The following AFF3 variants were observed in gnomAD, a reference collection of about 807,000 sequenced individuals.
AFF3 encodes AF4/FMR2 family member 3.
AFF3 carries 32 observed loss-of-function variants against 129.7 expected under a neutral mutation model. The ratio of observed to expected loss-of-function variants is 0.25; its 90% confidence interval spans 0.19 to 0.33. AFF3 has a LOEUF of 0.33. Ranked by LOEUF, AFF3 falls within the 10% of genes least tolerant of loss-of-function variation. The pLI, the probability that AFF3 is intolerant of heterozygous loss-of-function variation, is 1.00. For missense variants in AFF3, 1,373 were observed against 1,592.0 expected, an observed-to-expected ratio of 0.86 and a Z score of 2.34; for synonymous variants, 644 against 635.4, an observed-to-expected ratio of 1.01 and a Z score of -0.20.
intron 7 of AFF3, among the ~76,000 whole-genome samples, chr2:99,935,237 G>C (rs1437289575): frequency 1.3e-5 from 2 of 152,150 alleles, no homozygotes; most frequent in African/African-American, 2.4e-5. Context: ...CAGCTACTTG[G>C]TGGCCACCAC....
At chr2:99,558,750 T>C (rs1575346460) in intron 22 of AFF3, 125 bp downstream of exon 22, 1 of 819,902 alleles carries the variant, frequency 1.2e-6, no homozygotes, top group East Asian at 2.7e-5. Flanking sequence ...ATAAATGGGG[T>C]TACCTTGGGG....
At chr2:99,710,080 G>T (rs1677756692) in intron 11 of AFF3, among the ~76,000 whole-genome samples, 1 of 152,234 alleles carries the variant, frequency 6.6e-6, no homozygotes, top group Non-Finnish European at 1.5e-5. Context: ...TCTATACAAT[G>T]GGATATTCTA....
intron 4 of AFF3, among the ~76,000 whole-genome samples, chr2:100,077,928 G>A (rs1688713915): frequency 6.6e-6 from 1 of 152,138 alleles, no homozygotes; most frequent in Non-Finnish European, 1.5e-5. Flanking sequence ...ACCAGTTAAT[G>A]GGTGAATTTT....
intron 7 of AFF3, among the ~76,000 whole-genome samples, chr2:99,923,742 T>C (rs1012471703): frequency 6.6e-6 from 1 of 152,162 alleles, no homozygotes; most frequent in African/African-American, 2.4e-5. Context: ...CTTGGTTTCT[T>C]ACATTTAAAG....
chr2:99,564,377 C>T (rs557305185), intron 20 of AFF3, among the ~76,000 whole-genome samples: 1 of 152,216 alleles, frequency 6.6e-6, no homozygotes, highest in East Asian at 1.9e-4. Context: ...GTTAGAGTAA[C>T]TTTTACCAGT....
chr2:99,640,814 G>A (rs1455815609), intron 13 of AFF3, among the ~76,000 whole-genome samples: 1 of 152,246 alleles, frequency 6.6e-6, no homozygotes, highest in Non-Finnish European at 1.5e-5. Context: ...GAGACTGTAA[G>A]CTGGGCCTAT....
chr2:99,803,084 G>C, intron 8 of AFF3, among the ~76,000 whole-genome samples: 1 of 152,080 alleles, frequency 6.6e-6, no homozygotes, highest in East Asian at 1.9e-4. Flanking sequence ...GTATGTGTGG[G>C]TTTGTCATAT....
chr2:99,637,006 G>A (rs1360130029), intron 13 of AFF3, among the ~76,000 whole-genome samples: 1 of 152,110 alleles, frequency 6.6e-6, no homozygotes, highest in Non-Finnish European at 1.5e-5. Context: ...GCTGGCTCTG[G>A]GAGTCCCAGG....
chr2:99,747,737 C>A (rs1253025537), intron 9 of AFF3, among the ~76,000 whole-genome samples: 2 of 152,002 alleles, frequency 1.3e-5, no homozygotes, highest in Non-Finnish European at 2.9e-5. Flanking sequence ...TAAAAAAAAT[C>A]TCTGTGGAAG....
intron 13 of AFF3, among the ~76,000 whole-genome samples, chr2:99,625,079 T>C (rs1320386916): frequency 6.6e-6 from 1 of 152,224 alleles, no homozygotes; most frequent in Non-Finnish European, 1.5e-5. Context: ...GGAGATTCAT[T>C]TTCAAGGAAG....
At chr2:99,575,513 G>A (rs565783558) in intron 18 of AFF3, among the ~76,000 whole-genome samples, 1 of 149,114 alleles carries the variant, frequency 6.7e-6, no homozygotes, top group East Asian at 2.0e-4. Context: ...CACCCACCTC[G>A]GCTCCCCCAA....
chr2:99,919,647 CCTTT>C (rs1695722838), intron 7 of AFF3, among the ~76,000 whole-genome samples: 1 of 152,004 alleles, frequency 6.6e-6, no homozygotes, highest in Non-Finnish European at 1.5e-5. Context: ...ACTGGTAGTT[CCTTT>C]AAGACAAAAG....
intron 8 of AFF3, among the ~76,000 whole-genome samples, chr2:99,826,533 G>C (rs1430030621): frequency 3.3e-5 from 5 of 152,192 alleles, no homozygotes; most frequent in Admixed American, 2.6e-4. Flanking sequence ...AGTGAGGCTT[G>C]GAAGATATGC....
chr2:100,110,266 A>T (rs1414272377), intron 2 of AFF3: 1 of 152,250 alleles, frequency 6.6e-6, no homozygotes, highest in African/African-American at 2.4e-5. Flanking sequence ...GTTTAAAGGT[A>T]GGACCTCCTT....
chr2:100,024,373 G>A (rs866421597), intron 4 of AFF3, among the ~76,000 whole-genome samples: 34 of 151,692 alleles, frequency 2.2e-4, no homozygotes, highest in African/African-American at 5.3e-4. Flanking sequence ...TCGGGAGTTC[G>A]AGATGGATCA....
At chr2:99,932,200 T>G (rs1047376324) in intron 7 of AFF3, among the ~76,000 whole-genome samples, 1 of 152,044 alleles carries the variant, frequency 6.6e-6, no homozygotes, top group Non-Finnish European at 1.5e-5. Flanking sequence ...ATTATGAGAT[T>G]TTTTTTGCGA....
intron 7 of AFF3, among the ~76,000 whole-genome samples, chr2:100,005,988 A>C (rs1010653967): frequency 1.1e-4 from 17 of 152,224 alleles, no homozygotes; most frequent in African/African-American, 4.1e-4. Context: ...ACAGCAAAAA[A>C]TATGTATGCA....
chr2:99,843,107 T>C (rs1689443826), intron 7 of AFF3, among the ~76,000 whole-genome samples: 1 of 152,236 alleles, frequency 6.6e-6, no homozygotes, highest in Admixed American at 6.5e-5. Flanking sequence ...ATCACAAACC[T>C]GACATACAAA....
At chr2:100,022,820 T>G (rs1683706258) in intron 4 of AFF3, among the ~76,000 whole-genome samples, 1 of 151,976 alleles carries the variant, frequency 6.6e-6, no homozygotes, top group African/African-American at 2.4e-5. Context: ...TTTATTAATG[T>G]GAAGAGAGCC....
Sources: allele counts gnomAD v4.1 joint callset (sites outside exome capture counted in the v4.1 genomes callset), GRCh38; gene constraint gnomAD v4.1.1; transcripts MANE v1.5; gene names NCBI Gene and HGNC (gene_info 2026-07-23, HGNC 2026-07-21).